STAG2: variants seen among roughly 807,000 people sequenced by gnomAD.
The protein encoded by STAG2 is cohesin subunit SA-2.
STAG2 carries 14 observed loss-of-function variants against 108.1 expected under a neutral mutation model. That is an observed-to-expected ratio of 0.13 (90% confidence interval 0.09 to 0.20). The LOEUF (loss-of-function observed/expected upper bound fraction) is 0.20, where lower values mean the gene tolerates loss of function less well. STAG2 is among the 10% of genes least tolerant of loss of function. The pLI is 1.00. For synonymous variants in STAG2, 307 were observed against 302.7 expected (o/e 1.01, Z -0.15); for missense variants, 440 against 940.9 (o/e 0.47, Z 6.96).
intron 29 of STAG2, among the ~76,000 whole-genome samples, chrX:124,085,263 G>A (rs754275166): frequency 5.4e-5 from 6 of 111,694 alleles, no homozygotes; most frequent in Admixed American, 9.5e-5. Flanking sequence ...CTCTGGGCAC[G>A]AGGAGGAAGC....
In STAG2 at chrX:124,062,745, T is replaced by C. The variant is rs5958381; in HGVS notation, c.1639-157T>C. Among the ~76,000 whole-genome samples the C allele has an allele frequency of 3.5e-3, 396 of 112,106 alleles. 1 individual carries two copies. The highest frequency in any genetic ancestry group is 0.012 in the African/African-American group (367 of 30,983). ...GTTTTTATAATGTGTAGTTTTCTCT[T>C]TCATGTCACTTTTAGGGTTAATGTT... On this transcript the variant is annotated intron_variant, in intron 17 of 34. Transcript: ENST00000371145.
At chrX:124,068,058 TA>T (rs1569517036) in intron 23 of STAG2, among the ~76,000 whole-genome samples, 1 of 110,074 alleles carries the variant, frequency 9.1e-6, no homozygotes, top group Non-Finnish European at 1.9e-5. Context: ...CCAATAAAAA[TA>T]AAAAGTTTGA....
rs369911860 is a variant in STAG2, at chrX:124,031,140, G to C, written c.288+15G>C. 21 of 1,182,946 alleles carry C rather than the reference G, an allele frequency of 1.8e-5. No homozygotes were observed. The highest frequency in any genetic ancestry group is 5.8e-5 in the South Asian group (3 of 51,516). On this transcript the variant is annotated intron_variant, in intron 5 of 34. Coordinates refer to ENST00000371145, the MANE Select transcript of STAG2 (RefSeq NM_001042750.2). ...GTGCTATGCAGGTAAGATTTATGTT[G>C]TTCTTCCCAGTTCATTTGTACATTT...
chrX:124,031,228 C>T (rs1368240063), intron 5 of STAG2, 103 bp downstream of exon 5: 2 of 854,272 alleles, frequency 2.3e-6, no homozygotes, highest in Admixed American at 8.0e-5. Context: ...TAAACATACA[C>T]TACTTATTAG....
intron 7 of STAG2, among the ~76,000 whole-genome samples, chrX:124,043,536 T>C (rs1430594760): frequency 8.9e-6 from 1 of 111,736 alleles, no homozygotes; most frequent in Non-Finnish European, 1.9e-5. Flanking sequence ...GAGTAATGTT[T>C]GAAAATTGCT....
chrX:124,008,661 A>G (rs746987852), intron 1 of STAG2, among the ~76,000 whole-genome samples: 1 of 112,136 alleles, frequency 8.9e-6, no homozygotes, highest in Non-Finnish European at 1.9e-5. Context: ...CAATTAATTT[A>G]TTAATCAGGA....
chrX:123,980,281 G>A (rs1022032750), intron 1 of STAG2, among the ~76,000 whole-genome samples: 2 of 110,842 alleles, frequency 1.8e-5, no homozygotes, highest in Admixed American at 1.9e-4. Flanking sequence ...GGCTTTTGGT[G>A]GGGGTACTTA....
chrX:123,984,714 G>T (rs1454207988), intron 1 of STAG2, among the ~76,000 whole-genome samples: 1 of 111,204 alleles, frequency 9.0e-6, no homozygotes, highest in Non-Finnish European at 1.9e-5. Context: ...TCAGTTCACT[G>T]CAGCTTCTGC....
chrX:124,039,564 A>T (rs757616637), intron 6 of STAG2, among the ~76,000 whole-genome samples: 1 of 108,709 alleles, frequency 9.2e-6, no homozygotes, highest in East Asian at 2.9e-4. Context: ...TACAGGCATG[A>T]GCCACCTTCC....
rs751493738 is a variant in STAG2 at position 124,056,407 on chromosome X, A to G, written c.1304+172A>G. ...TCCTTTAAAAGTTTAGATTTCTCCT[A>G]AGTTCTTTGATTTATTTTAAGTTAG... On this transcript the variant is annotated intron_variant, in intron 14 of 34. Transcript: ENST00000371145. Among the ~76,000 whole-genome samples, 3 of 111,025 alleles carry G rather than the reference A, an allele frequency of 2.7e-5. No homozygotes were observed. The South Asian group carries it at 1.1e-3, about 42-fold the overall frequency.
intron 6 of STAG2, among the ~76,000 whole-genome samples, chrX:124,039,137 T>TTTATTATTATTATTATTA (rs4028223): frequency 4.4e-4 from 41 of 94,082 alleles, no homozygotes; most frequent in African/African-American, 1.4e-3. Flanking sequence ...TCCCCTTTTA[T>TTTATTATTATTATTATTA]TTATTATTAT....
intron 1 of STAG2, among the ~76,000 whole-genome samples, chrX:124,007,719 TCTTA>T (rs1340243129): frequency 8.9e-6 from 1 of 112,564 alleles, no homozygotes; most frequent in Non-Finnish European, 1.9e-5. Flanking sequence ...ATATACATGT[TCTTA>T]CTTTGTGAAA....
At chrX:123,964,946 A>G (rs2054024757) in intron 1 of STAG2, among the ~76,000 whole-genome samples, 1 of 101,557 alleles carries the variant, frequency 9.8e-6, no homozygotes, top group African/African-American at 3.6e-5. Context: ...CCTAAATTCT[A>G]TTAAGGTAAG....
At chrX:124,009,392 C>CAGGTAGGTAGGTAGGTAGGTAGGT (rs748240892) in intron 1 of STAG2, among the ~76,000 whole-genome samples, 46 of 90,546 alleles carry the variant, frequency 5.1e-4, no homozygotes, top group African/African-American at 1.8e-3. Flanking sequence ...GTAATCTAAC[C>CAGGTAGGTAGGTAGGTAGGTAGGT]AGGTAGGTAG....
At chrX:123,967,282 T>TTTTTA (rs2054143492) in intron 1 of STAG2, among the ~76,000 whole-genome samples, 6 of 91,332 alleles carry the variant, frequency 6.6e-5, no homozygotes, top group East Asian at 3.1e-4. Flanking sequence ...TTTTTTTTTT[T>TTTTTA]GAGACGGAGT....
chrX:123,974,224 CTTTTCTT>C (rs1464733131), intron 1 of STAG2, among the ~76,000 whole-genome samples: 13 of 105,149 alleles, frequency 1.2e-4, no homozygotes, highest in African/African-American at 3.7e-4. Flanking sequence ...ATCATCTTTT[CTTTTCTT>C]TTTTCTTTTT....
At chrX:124,032,601 A>G (rs369383295) in intron 5 of STAG2, among the ~76,000 whole-genome samples, 15 of 110,623 alleles carry the variant, frequency 1.4e-4, no homozygotes, top group African/African-American at 4.6e-4. Context: ...CCCTACCCCC[A>G]GTAGTCCGCA....
chrX:124,088,615 C>CTTTTT (rs35629422), intron 30 of STAG2, among the ~76,000 whole-genome samples: 3 of 82,252 alleles, frequency 3.6e-5, no homozygotes, highest in Admixed American at 1.5e-4. Context: ...TATGTATAAT[C>CTTTTT]TTTTTTTTTT....
chrX:124,083,290 C>A, intron 28 of STAG2, 131 bp from the exon 29 acceptor site: 1 of 460,058 alleles, frequency 2.2e-6, no homozygotes, highest in Non-Finnish European at 3.3e-6. Context: ...CACTTTACAA[C>A]CTGCTTATTT....
Sources: gnomAD v4.1 joint callset for allele counts (sites outside exome capture counted in the v4.1 genomes callset) on GRCh38, gnomAD v4.1.1 for gene constraint, MANE v1.5 for transcripts, NCBI Gene and HGNC (gene_info 2026-07-23, HGNC 2026-07-21) for gene names.